INSR: variants seen among roughly 807,000 people sequenced by gnomAD.
INSR encodes insulin receptor.
A neutral mutation model predicts 142.6 loss-of-function variants in INSR; 67 were observed. That is an observed-to-expected ratio of 0.47 (90% confidence interval 0.39 to 0.58). The LOEUF is 0.58. INSR is among the 20% of genes least tolerant of loss of function. The pLI, the probability that INSR is intolerant of heterozygous loss-of-function variation, is 0.00. For synonymous variants in INSR, 756 were observed against 743.1 expected, an observed-to-expected ratio of 1.02 and a Z score of -0.28; for missense variants, 1,248 against 1,833.2, an observed-to-expected ratio of 0.68 and a Z score of 5.83.
intron 1 of INSR, among the ~76,000 whole-genome samples, chr19:7,287,054 T>C (rs1340835409): frequency 1.3e-5 from 2 of 151,804 alleles, no homozygotes; most frequent in Admixed American, 1.3e-4. Flanking sequence ...CTTGCTGTGT[T>C]GTCCAGGCTG....
chr19:7,186,633 A>G (rs541693495), intron 2 of INSR, among the ~76,000 whole-genome samples: 496 of 152,082 alleles, frequency 3.3e-3, no homozygotes, highest in African/African-American at 0.011. Context: ...CTCTGCCCCC[A>G]TGAAACAGTC....
intron 1 of INSR, among the ~76,000 whole-genome samples, chr19:7,273,956 G>C (rs75094348): frequency 6.6e-6 from 1 of 151,728 alleles, no homozygotes; most frequent in Admixed American, 6.6e-5. Flanking sequence ...TCATCCCGTC[G>C]CACTCCAGCC....
chr19:7,149,524 G>A (rs1284442403), intron 11 of INSR, among the ~76,000 whole-genome samples: 1 of 151,910 alleles, frequency 6.6e-6, no homozygotes, highest in Non-Finnish European at 1.5e-5. Flanking sequence ...GACTCAAGTT[G>A]AAAAGAAACG....
intron 2 of INSR, among the ~76,000 whole-genome samples, chr19:7,197,342 G>C (rs540046999): frequency 7.1e-6 from 1 of 140,384 alleles, no homozygotes; most frequent in Admixed American, 7.2e-5. Flanking sequence ...GTGAGTAAGC[G>C]AGTGAGTGAG....
intron 2 of INSR, among the ~76,000 whole-genome samples, chr19:7,231,564 G>A (rs747856473): frequency 6.6e-6 from 1 of 151,998 alleles, no homozygotes; most frequent in Non-Finnish European, 1.5e-5. Flanking sequence ...GCCTCCCATT[G>A]TGCTGGGATT....
rs1258430387 is a variant in INSR at position 7,160,215 on chromosome 19, TGC to T, written c.2029+2815_2029+2816del. Among the ~76,000 whole-genome samples the T allele has an allele frequency of 5.9e-5, 9 of 152,146 alleles. No homozygotes were observed. In the South Asian group the frequency reaches 1.9e-3, roughly 32 times the overall value. Reference sequence around the variant, plus strand: ...TGTTACCCAGGCTGGAGTGCAATGGTGCAAGCTCGGCTCATTGCAACCTCCAC... The same window carrying T: ...TGTTACCCAGGCTGGAGTGCAATGGTAAGCTCGGCTCATTGCAACCTCCAC... On this transcript the variant is annotated intron_variant, in intron 9 of 21. Coordinates refer to ENST00000302850, the MANE Select transcript of INSR (RefSeq NM_000208.4).
chr19:7,127,808 ATC>A (rs1271913387), intron 15 of INSR, among the ~76,000 whole-genome samples: 2 of 152,084 alleles, frequency 1.3e-5, no homozygotes, highest in Admixed American at 6.6e-5. Flanking sequence ...CAATGGTGCG[ATC>A]TCGGCTCACT....
chr19:7,236,984 G>A (rs1244309860), intron 2 of INSR, among the ~76,000 whole-genome samples: 3 of 148,140 alleles, frequency 2.0e-5, no homozygotes, highest in Admixed American at 6.8e-5. Context: ...CCGAGATCGC[G>A]CCACTGCACT....
chr19:7,172,253 T>G (rs1430094698), intron 5 of INSR, 37 bp downstream of exon 5: 2 of 1,612,336 alleles, frequency 1.2e-6, no homozygotes, highest in Non-Finnish European at 1.7e-6. Flanking sequence ...ACTTCCTAGT[T>G]AGCACTCAGG....
At chr19:7,237,807 C>T (rs2145142994) in intron 2 of INSR, among the ~76,000 whole-genome samples, 1 of 151,686 alleles carries the variant, frequency 6.6e-6, no homozygotes, top group African/African-American at 2.4e-5. Context: ...CAGAGCGAGA[C>T]TCCATCTCAA....
chr19:7,178,248 G>C (rs887753195), intron 3 of INSR, among the ~76,000 whole-genome samples: 4 of 134,022 alleles, frequency 3.0e-5, no homozygotes, highest in East Asian at 2.6e-4. Flanking sequence ...ACTTGTGGGG[G>C]GGGGGGTGCC....
At chr19:7,241,172 ATTTTG>A (rs1182887502) in intron 2 of INSR, among the ~76,000 whole-genome samples, 1 of 113,646 alleles carries the variant, frequency 8.8e-6, no homozygotes, top group Non-Finnish European at 1.8e-5. Flanking sequence ...TTTTTATTTT[ATTTTG>A]TTTTTTTTTT....
At chr19:7,185,118 G>A (rs536291223) in intron 2 of INSR, among the ~76,000 whole-genome samples, 15 of 150,246 alleles carry the variant, frequency 1.0e-4, no homozygotes, top group Middle Eastern at 6.8e-3. Context: ...GGAAAACATC[G>A]TATGATATTA....
chr19:7,148,857 C>T (rs1024703793), intron 11 of INSR, among the ~76,000 whole-genome samples: 175 of 149,054 alleles, frequency 1.2e-3, no homozygotes, highest in African/African-American at 4.2e-3. Flanking sequence ...TGCAGTGGCA[C>T]GATCTTGGCT....
chr19:7,196,985 C>A (rs987674344), intron 2 of INSR, among the ~76,000 whole-genome samples: 1 of 152,160 alleles, frequency 6.6e-6, no homozygotes, highest in Non-Finnish European at 1.5e-5. Flanking sequence ...TGGCCCCAGA[C>A]CCTGACCTCA....
intron 1 of INSR, among the ~76,000 whole-genome samples, chr19:7,273,207 A>G (rs1315392557): frequency 2.6e-5 from 4 of 152,226 alleles, no homozygotes; most frequent in African/African-American, 9.6e-5. Flanking sequence ...GTAGGGAACA[A>G]TCAAGAATTG....
rs1036748260 is a variant in INSR at position 7,138,599 on chromosome 19, T to C, written c.2682+3078A>G. Among the ~76,000 whole-genome samples, 6 of 152,080 alleles carry C rather than the reference T, an allele frequency of 3.9e-5. 2 individuals carry two copies. In the South Asian group the frequency reaches 1.0e-3, roughly 26 times the overall value. On this transcript the variant is annotated intron_variant, in intron 13 of 21. Coordinates refer to ENST00000302850, the MANE Select transcript of INSR (RefSeq NM_000208.4). ...GCTGTGTTGCCCAGGCTCAAACTCC[T>C]GGCCTCAAGCAATCCTCCCACCTCA...
chr19:7,184,206 T>C lies in INSR; in HGVS notation c.974+110A>G, dbSNP rs1417614143. On this transcript the variant is annotated intron_variant, in intron 3 of 21. Transcript: ENST00000302850. ...CATCTGAGAGCAGAGACCTCACTCA[T>C]AGCCAATTAACCCTGGGTTTGCACA... 3.3e-5 allele frequency: 32 copies of C among 964,876 alleles called. 1 individual carries two copies. Among genetic ancestry groups the C allele is most frequent in the South Asian group, 2.0e-4 (14 of 71,166 alleles). 59.8% of individuals were successfully genotyped at this position (964,876 alleles called of 1,614,324 possible).
chr19:7,151,442 AT>A (rs35890851), intron 10 of INSR, among the ~76,000 whole-genome samples: 10,793 of 141,990 alleles, frequency 0.076, 976 homozygotes, highest in African/African-American at 0.22. Flanking sequence ...ATGTCTGGCT[AT>A]TTTTTTTTTT....
Sources: allele counts gnomAD v4.1 joint callset (sites outside exome capture counted in the v4.1 genomes callset), GRCh38; gene constraint gnomAD v4.1.1; transcripts MANE v1.5; gene names NCBI Gene and HGNC (gene_info 2026-07-23, HGNC 2026-07-21).